KHDRBS2: variants seen among roughly 807,000 people sequenced by gnomAD.
KHDRBS2 encodes KH RNA binding domain containing, signal transduction associated 2.
KHDRBS2 carries 26 observed loss-of-function variants against 44.3 expected under a neutral mutation model. The ratio of observed to expected loss-of-function variants is 0.59; its 90% CI spans 0.43 to 0.81. The LOEUF (loss-of-function observed/expected upper bound fraction) is 0.81, where lower values mean the gene tolerates loss of function less well. Ranked by LOEUF, KHDRBS2 falls within the 40% of genes least tolerant of loss-of-function variation. KHDRBS2 has a pLI of 0.00. For synonymous variants in KHDRBS2, 194 were observed against 151.1 expected, an observed-to-expected ratio of 1.28 and a Z score of -2.08; for missense variants, 476 against 433.1, an observed-to-expected ratio of 1.10 and a Z score of -0.88.
chr6:62,133,313 G>A (rs931446136), intron 2 of KHDRBS2, among the ~76,000 whole-genome samples: 17 of 152,132 alleles, frequency 1.1e-4, no homozygotes, highest in African/African-American at 2.7e-4. Context: ...CACTGTTCTC[G>A]TGGTAGTAAG....
the KHDRBS2 span, among the ~76,000 whole-genome samples, chr6:61,633,767 A>T: frequency 1.3e-5 from 2 of 150,438 alleles, no homozygotes; most frequent in African/African-American, 4.9e-5. Context: ...ATTCTTTATT[A>T]AAAGAGTATA....
intron 3 of KHDRBS2, among the ~76,000 whole-genome samples, chr6:61,987,564 T>G (rs183516545): frequency 7.3e-4 from 111 of 152,300 alleles, no homozygotes; most frequent in South Asian, 4.3e-3. Flanking sequence ...ATAAATCTAT[T>G]GTCTGCACAG....
At chr6:62,018,622 G>A (rs527566673) in intron 3 of KHDRBS2, among the ~76,000 whole-genome samples, 2 of 152,298 alleles carry the variant, frequency 1.3e-5, no homozygotes, top group Admixed American at 6.5e-5. Context: ...TGGGATTACA[G>A]GCGTGAGCCA....
chr6:61,747,153 G>A (rs1239467260), intron 6 of KHDRBS2, among the ~76,000 whole-genome samples: 1 of 151,980 alleles, frequency 6.6e-6, no homozygotes, highest in Non-Finnish European at 1.5e-5. Context: ...ATTTCTTTGT[G>A]TTTTATATTG....
chr6:62,057,354 GA>G (rs573938679), intron 2 of KHDRBS2, among the ~76,000 whole-genome samples: 18 of 150,428 alleles, frequency 1.2e-4, no homozygotes, highest in Non-Finnish European at 1.9e-4. Context: ...TAAAGTATTA[GA>G]AAAAAAAAGT....
At chr6:61,657,426 A>G in the KHDRBS2 span, among the ~76,000 whole-genome samples, 1 of 151,990 alleles carries the variant, frequency 6.6e-6, no homozygotes, top group Non-Finnish European at 1.5e-5. Flanking sequence ...ACATATGAAC[A>G]TCTGACATCG....
intron 6 of KHDRBS2, among the ~76,000 whole-genome samples, chr6:61,833,905 T>G (rs183883833): frequency 8.5e-5 from 13 of 152,232 alleles, no homozygotes; most frequent in Admixed American, 7.9e-4. Flanking sequence ...ACCCTTCATT[T>G]GAATGTTTTT....
chr6:62,122,307 C>A (rs1397272842), intron 2 of KHDRBS2, among the ~76,000 whole-genome samples: 1 of 152,086 alleles, frequency 6.6e-6, no homozygotes, highest in Non-Finnish European at 1.5e-5. Flanking sequence ...ATCCTCCTTT[C>A]GACATGCACC....
intron 6 of KHDRBS2, among the ~76,000 whole-genome samples, chr6:61,734,313 T>C (rs1774976217): frequency 6.6e-6 from 1 of 152,122 alleles, no homozygotes; most frequent in South Asian, 2.1e-4. Flanking sequence ...CTAAAGTTAA[T>C]TTTAGTATTT....
chr6:61,624,843 CT>C, the KHDRBS2 span, among the ~76,000 whole-genome samples: 1 of 152,166 alleles, frequency 6.6e-6, no homozygotes, highest in Admixed American at 6.5e-5. Flanking sequence ...CCCTAACCAT[CT>C]GCCATTAGTT....
At chr6:61,559,716 T>C in the KHDRBS2 span, among the ~76,000 whole-genome samples, 3 of 152,172 alleles carry the variant, frequency 2.0e-5, no homozygotes, top group African/African-American at 7.2e-5. Context: ...CTCTACACTT[T>C]AACTCCAACT....
intron 2 of KHDRBS2, among the ~76,000 whole-genome samples, chr6:62,064,460 C>A (rs1333971088): frequency 6.8e-5 from 10 of 147,580 alleles, no homozygotes; most frequent in Admixed American, 2.0e-4. Flanking sequence ...ACAACAGAGC[C>A]CTCAGAAATA....
intron 2 of KHDRBS2, among the ~76,000 whole-genome samples, chr6:62,116,188 T>C (rs1245240331): frequency 6.6e-6 from 1 of 152,144 alleles, no homozygotes; most frequent in East Asian, 1.9e-4. Context: ...AAATATGTAT[T>C]ATTTTTGTGG....
At chr6:61,574,727 G>A in the KHDRBS2 span, among the ~76,000 whole-genome samples, 1 of 152,016 alleles carries the variant, frequency 6.6e-6, no homozygotes, top group African/African-American at 2.4e-5. Flanking sequence ...CAACATGGTG[G>A]GTGTTGGCCC....
At chr6:62,266,993 T>C (rs879340584) in intron 1 of KHDRBS2, among the ~76,000 whole-genome samples, 19 of 152,026 alleles carry the variant, frequency 1.2e-4, no homozygotes, top group Non-Finnish European at 2.1e-4. Flanking sequence ...GAATTAGTAG[T>C]AGTACAAGTA....
At chr6:62,031,649 C>T (rs1434922098) in intron 3 of KHDRBS2, among the ~76,000 whole-genome samples, 2 of 152,034 alleles carry the variant, frequency 1.3e-5, no homozygotes, top group African/African-American at 4.8e-5. Flanking sequence ...GGGTAAGGCT[C>T]CTCTGCCTTT....
At chr6:61,870,546 A>G (rs1229703758) in intron 6 of KHDRBS2, among the ~76,000 whole-genome samples, 1 of 152,150 alleles carries the variant, frequency 6.6e-6, no homozygotes. Context: ...CTGCCTCCTC[A>G]AGTGGGTCTC....
At chr6:61,995,670 G>T (rs1012811605) in intron 3 of KHDRBS2, among the ~76,000 whole-genome samples, 1 of 152,086 alleles carries the variant, frequency 6.6e-6, no homozygotes, top group Admixed American at 6.5e-5. Flanking sequence ...GGACTCTGTA[G>T]TTATAACTGA....
At chr6:61,775,672 G>A (rs1374649954) in intron 6 of KHDRBS2, among the ~76,000 whole-genome samples, 1 of 152,182 alleles carries the variant, frequency 6.6e-6, no homozygotes, top group African/African-American at 2.4e-5. Flanking sequence ...AACATTCCAT[G>A]CTCATGGGTA....
Sources: gnomAD v4.1 joint callset for allele counts (sites outside exome capture counted in the v4.1 genomes callset) on GRCh38, gnomAD v4.1.1 for gene constraint, MANE v1.5 for transcripts, NCBI Gene and HGNC (gene_info 2026-07-23, HGNC 2026-07-21) for gene names.